The following AUTS2 variants were observed in gnomAD, a reference collection of about 807,000 sequenced individuals.
The protein encoded by AUTS2 is autism susceptibility gene 2 protein.
In AUTS2, 17 loss-of-function variants were observed where a neutral mutation model predicts 112.4. The ratio of observed to expected loss-of-function variants is 0.15; its 90% CI spans 0.10 to 0.23. The LOEUF (loss-of-function observed/expected upper bound fraction) is 0.23, where lower values mean the gene tolerates loss of function less well. Ranked by LOEUF, AUTS2 falls within the 10% of genes least tolerant of loss-of-function variation. The pLI, the probability that AUTS2 is intolerant of heterozygous loss-of-function variation, is 1.00. For missense variants in AUTS2, 1,510 were observed against 1,701.6 expected, an observed-to-expected ratio of 0.89 and a Z score of 1.98; for synonymous variants, 751 against 702.7, an observed-to-expected ratio of 1.07 and a Z score of -1.09.
At chr7:70,170,561 C>G (rs922351599) in intron 4 of AUTS2, among the ~76,000 whole-genome samples, 16 of 150,162 alleles carry the variant, frequency 1.1e-4, no homozygotes, top group African/African-American at 3.9e-4. Flanking sequence ...AAGGTCCAAG[C>G]TCTTTGAGAT....
At position 70,559,978 on chromosome 7, in the gene AUTS2, C is replaced by G. The variant is rs188081672; in HGVS notation, c.690+124197C>G. Among the ~76,000 whole-genome samples the G allele has an allele frequency of 6.4e-4, 98 of 152,338 alleles. 1 individual carries two copies. Among genetic ancestry groups the G allele is most frequent in the Admixed American group, 1.4e-3 (21 of 15,300 alleles). ...CCACACTTAGAACAAAGGTCTTTCCCCTGCTGTGAGCCTGCCTACTGCTCT... is the reference window on the plus strand; with the variant it reads ...CCACACTTAGAACAAAGGTCTTTCCGCTGCTGTGAGCCTGCCTACTGCTCT... On this transcript the variant is annotated intron_variant, in intron 5 of 18. Coordinates refer to ENST00000342771, the MANE Select transcript of AUTS2 (RefSeq NM_015570.4).
At position 70,379,511 on chromosome 7, in the gene AUTS2, AAAAG is replaced by A. The variant is rs1191865030; in HGVS notation, c.661-56229_661-56226del. 2.0e-4 allele frequency among the ~76,000 whole-genome samples: 31 copies of A among 152,144 alleles called. No homozygotes were observed. The East Asian group carries it at 3.1e-3, about 15-fold the overall frequency. On this transcript the variant is annotated intron_variant, in intron 4 of 18. Coordinates refer to ENST00000342771, the MANE Select transcript of AUTS2 (RefSeq NM_015570.4). ...AGCGAGCATCCGTCTCAAAAAAAAAAAAAGAAAGAAAGAAAAACTATCATTAGAC... is the reference window on the plus strand; with the variant it reads ...AGCGAGCATCCGTCTCAAAAAAAAAAAAAGAAAGAAAAACTATCATTAGAC...
chr7:69,904,655 AAAATTTC>A (rs1310436506), intron 2 of AUTS2, among the ~76,000 whole-genome samples: 1 of 152,232 alleles, frequency 6.6e-6, no homozygotes, highest in Non-Finnish European at 1.5e-5. Context: ...CTCATACTTC[AAAATTTC>A]AAGTTTACCA....
chr7:69,973,538 T>G (rs530637822), intron 2 of AUTS2, among the ~76,000 whole-genome samples: 1 of 152,214 alleles, frequency 6.6e-6, no homozygotes, highest in Non-Finnish European at 1.5e-5. Context: ...ATTCAGTCTT[T>G]TGCTGTTTAG....
chr7:70,369,627 T>C (rs1792748723), intron 4 of AUTS2, among the ~76,000 whole-genome samples: 1 of 152,030 alleles, frequency 6.6e-6, no homozygotes, highest in South Asian at 2.1e-4. Flanking sequence ...CAAGAAATTA[T>C]GGGACATCAG....
intron 6 of AUTS2, chr7:70,699,614 T>C (rs961817857): frequency 6.6e-6 from 1 of 152,238 alleles, no homozygotes; most frequent in African/African-American, 2.4e-5. Context: ...TAGTACATTA[T>C]GTTTAGAGTT....
intron 1 of AUTS2, among the ~76,000 whole-genome samples, chr7:69,791,816 C>T (rs1421204696): frequency 6.6e-6 from 1 of 152,152 alleles, no homozygotes; most frequent in Non-Finnish European, 1.5e-5. Flanking sequence ...GAATCTTTAC[C>T]TAAGGCAGGG....
At chr7:70,178,124 T>C (rs1376606859) in intron 4 of AUTS2, among the ~76,000 whole-genome samples, 1 of 151,880 alleles carries the variant, frequency 6.6e-6, no homozygotes, top group East Asian at 1.9e-4. Context: ...TCATTGTTCT[T>C]ATTTTTATTT....
chr7:69,619,234 C>T (rs148649741), intron 1 of AUTS2, among the ~76,000 whole-genome samples: 287 of 152,200 alleles, frequency 1.9e-3, no homozygotes, highest in African/African-American at 6.7e-3. Flanking sequence ...AGGCAAGCTG[C>T]GGATATATTT....
At chr7:70,204,860 G>A (rs11764141) in intron 4 of AUTS2, among the ~76,000 whole-genome samples, 11,437 of 152,064 alleles carry the variant, frequency 0.075, 532 homozygotes, top group African/African-American at 0.12. Flanking sequence ...TCCATATTCT[G>A]CTATCTATGG....
chr7:69,601,307 G>A (rs1289729711), intron 1 of AUTS2, among the ~76,000 whole-genome samples: 1 of 148,372 alleles, frequency 6.7e-6, no homozygotes, highest in Admixed American at 6.7e-5. Context: ...TTTTTTTTTT[G>A]CGTTATTATG....
intron 3 of AUTS2, 56 bp downstream of exon 3, chr7:70,118,289 C>T (rs1431309999): frequency 1.4e-6 from 2 of 1,472,346 alleles, no homozygotes; most frequent in Non-Finnish European, 9.0e-7. Context: ...CACTAGGCCA[C>T]ACACACACCA....
At chr7:70,132,342 C>T (rs1057472081) in intron 3 of AUTS2, among the ~76,000 whole-genome samples, 3 of 151,768 alleles carry the variant, frequency 2.0e-5, no homozygotes, top group Non-Finnish European at 4.4e-5. Flanking sequence ...GTGCCCGTGT[C>T]TAGGGGAGGG....
At chr7:69,622,951 G>T (rs1562766172) in intron 1 of AUTS2, among the ~76,000 whole-genome samples, 1 of 152,050 alleles carries the variant, frequency 6.6e-6, no homozygotes, top group Non-Finnish European at 1.5e-5. Flanking sequence ...GATGGATGGA[G>T]ATATATATAT....
At chr7:69,785,054 G>C (rs1169520463) in intron 1 of AUTS2, among the ~76,000 whole-genome samples, 2 of 152,082 alleles carry the variant, frequency 1.3e-5, no homozygotes, top group Non-Finnish European at 2.9e-5. Context: ...AAAGGGAAGA[G>C]AATGGGATAG....
Position 70,374,682 on chromosome 7 carries a change from A to G in AUTS2, c.661-61070A>G, listed in dbSNP as rs559647651. 9.2e-5 allele frequency among the ~76,000 whole-genome samples: 14 copies of G among 152,350 alleles called. No individual in the cohort carries two copies. In the East Asian group the frequency reaches 1.5e-3, roughly 17 times the overall value. The stretch of plus-strand genomic sequence containing the variant: ...TTTTCCTTCTAAAAAGTATATTCAC[A>G]TATCAGAAGAAAGGTGAAAGACATA... On this transcript the variant is annotated intron_variant, in intron 4 of 18. Transcript: ENST00000342771.
At chr7:69,668,102 T>C (rs1562797861) in intron 1 of AUTS2, among the ~76,000 whole-genome samples, 1 of 152,146 alleles carries the variant, frequency 6.6e-6, no homozygotes, top group Admixed American at 6.5e-5. Context: ...CAGGTGACTC[T>C]CCTAATAGTT....
chr7:70,578,124 C>G (rs1228004634), intron 5 of AUTS2, among the ~76,000 whole-genome samples: 1 of 152,212 alleles, frequency 6.6e-6, no homozygotes, highest in African/African-American at 2.4e-5. Context: ...GCCACCGCAC[C>G]TGGCCTTTTG....
intron 5 of AUTS2, among the ~76,000 whole-genome samples, chr7:70,516,152 CAG>C (rs1200222135): frequency 1.3e-5 from 2 of 152,196 alleles, no homozygotes; most frequent in Admixed American, 6.5e-5. Flanking sequence ...ACTGATTGAA[CAG>C]AGAGACAGTA....
Sources: allele counts gnomAD v4.1 joint callset (sites outside exome capture counted in the v4.1 genomes callset), GRCh38; gene constraint gnomAD v4.1.1; transcripts MANE v1.5; gene names NCBI Gene and HGNC (gene_info 2026-07-23, HGNC 2026-07-21).